The following GLIS3 variants were observed in gnomAD, a reference collection of about 807,000 sequenced individuals.
The protein encoded by GLIS3 is zinc finger protein GLIS3.
GLIS3 carries 53 observed loss-of-function variants against 78.6 expected under a neutral mutation model. The ratio of observed to expected loss-of-function variants is 0.67; its 90% CI spans 0.54 to 0.85. The LOEUF is 0.85. GLIS3 is among the 40% of genes least tolerant of loss of function. The pLI is 0.00. For missense variants in GLIS3, 1,703 were observed against 1,231.1 expected, an observed-to-expected ratio of 1.38 and a Z score of -5.74; for synonymous variants, 684 against 509.9, an observed-to-expected ratio of 1.34 and a Z score of -4.60.
At chr9:4,416,280 G>T in the GLIS3 span, among the ~76,000 whole-genome samples, 1 of 71,554 alleles carries the variant, frequency 1.4e-5, no homozygotes. Flanking sequence ...AAAAAAAAAA[G>T]CATGCAAATT....
chr9:4,458,467 T>C, the GLIS3 span, among the ~76,000 whole-genome samples: 1 of 151,888 alleles, frequency 6.6e-6, no homozygotes, highest in African/African-American at 2.4e-5. Flanking sequence ...ATGGTGATGG[T>C]GGTGGAAGTA....
intron 7 of GLIS3, among the ~76,000 whole-genome samples, chr9:3,880,625 A>AAG (rs1365590764): frequency 2.0e-5 from 3 of 152,208 alleles, no homozygotes; most frequent in Admixed American, 6.5e-5. Context: ...AGGATTAAGA[A>AAG]AGAGAAGCCA....
At chr9:3,875,775 T>C (rs890825759) in intron 8 of GLIS3, among the ~76,000 whole-genome samples, 1 of 152,164 alleles carries the variant, frequency 6.6e-6, no homozygotes, top group Non-Finnish European at 1.5e-5. Flanking sequence ...AGGCAAGGGA[T>C]GGGGCACACG....
rs1171555150 is a variant in GLIS3, at chr9:3,898,805, G to A, written c.2014C>T (p.Leu672=). ...TGCACGGTGAGGCAATCTGTGAGCA[G>A]GTCTGGATGGAGCTCTGTGCTGGAC... is the stretch of plus-strand genomic sequence containing the variant. ...LRSSTELHPD[L]LTDCLTVQSL... Residue 672 remains leucine (L), a synonymous_variant, in exon 7 of 11, where the codon CTG becomes TTG. Transcript: ENST00000381971. 6.2e-7 allele frequency: 1 copy of A among 1,614,156 alleles called. No individual in the cohort carries two copies. Among genetic ancestry groups the A allele is most frequent in the Non-Finnish European group, 8.5e-7 (1 of 1,180,040 alleles).
intron 4 of GLIS3, among the ~76,000 whole-genome samples, chr9:4,112,236 C>G (rs1352630383): frequency 6.6e-6 from 1 of 152,132 alleles, no homozygotes; most frequent in Non-Finnish European, 1.5e-5. Context: ...AGTTGAAAGC[C>G]TTCTGCCACT....
chr9:4,267,944 C>CGTGTGTGTGTGTGTGT (rs757545130), intron 2 of GLIS3, among the ~76,000 whole-genome samples: 2 of 149,904 alleles, frequency 1.3e-5, no homozygotes, highest in East Asian at 2.0e-4. Context: ...TATAAAAATA[C>CGTGTGTGTGTGTGTGT]CTGTGTGTGT....
At chr9:4,342,385 T>C (rs1003392571) in intron 2 of GLIS3, among the ~76,000 whole-genome samples, 2 of 152,198 alleles carry the variant, frequency 1.3e-5, no homozygotes, top group Non-Finnish European at 2.9e-5. Context: ...TTGTTGATTT[T>C]GTCAAAGGTT....
the GLIS3 span, among the ~76,000 whole-genome samples, chr9:4,410,256 CA>C: frequency 6.6e-6 from 1 of 151,932 alleles, no homozygotes; most frequent in East Asian, 1.9e-4. Flanking sequence ...GGATTACAGG[CA>C]TGAGCCACCA....
chr9:4,422,462 T>C, the GLIS3 span, among the ~76,000 whole-genome samples: 48 of 152,370 alleles, frequency 3.2e-4, no homozygotes, highest in African/African-American at 1.1e-3. Context: ...TCCCCAGGAT[T>C]TGGGGTTAGT....
rs938544903 is a variant in GLIS3, at chr9:3,824,421, G to A, written c.*3851C>T. 3 of 152,464 alleles carry A rather than the reference G, an allele frequency of 2.0e-5. No individual in the cohort carries two copies. The highest frequency in any genetic ancestry group is 2.9e-5 in the Non-Finnish European group (2 of 68,028). The allele number at this position is 152,464 out of a possible 1,614,324, so 9.4% of individuals were successfully genotyped here. On this transcript the variant is annotated 3_prime_UTR_variant, in exon 11 of 11. Transcript: ENST00000381971. ...AACAAACAAACAAACAATGATGGTTGCCATTGTGTTTTAAACCGACAGGCT... is the reference window on the plus strand; with the variant it reads ...AACAAACAAACAAACAATGATGGTTACCATTGTGTTTTAAACCGACAGGCT...
intron 2 of GLIS3, among the ~76,000 whole-genome samples, chr9:4,328,219 G>C (rs1817631169): frequency 6.6e-6 from 1 of 152,148 alleles, no homozygotes; most frequent in African/African-American, 2.4e-5. Flanking sequence ...CAGCTTCAGA[G>C]GGCAGGAACA....
At chr9:4,128,622 C>G (rs1832744436) in intron 2 of GLIS3, among the ~76,000 whole-genome samples, 1 of 152,136 alleles carries the variant, frequency 6.6e-6, no homozygotes. Context: ...CAAAAAAACT[C>G]CAAGTCAATC....
intron 4 of GLIS3, among the ~76,000 whole-genome samples, chr9:3,952,386 C>A (rs543677607): frequency 6.6e-6 from 1 of 152,272 alleles, no homozygotes; most frequent in South Asian, 2.1e-4. Flanking sequence ...GGATCCCTGG[C>A]ACTCTCTGAT....
At chr9:4,277,950 T>C (rs1173791568) in intron 2 of GLIS3, among the ~76,000 whole-genome samples, 1 of 152,232 alleles carries the variant, frequency 6.6e-6, no homozygotes, top group African/African-American at 2.4e-5. Flanking sequence ...AACTGCACCC[T>C]GTCCTGCCTG....
intron 4 of GLIS3, among the ~76,000 whole-genome samples, chr9:4,015,592 A>T (rs1473004730): frequency 1.3e-5 from 2 of 152,152 alleles, no homozygotes; most frequent in East Asian, 3.8e-4. Flanking sequence ...CAACAACAAT[A>T]ATAGGGATTT....
the GLIS3 span, among the ~76,000 whole-genome samples, chr9:4,447,112 A>G: frequency 6.6e-6 from 1 of 152,054 alleles, no homozygotes; most frequent in Non-Finnish European, 1.5e-5. Context: ...CAGTGGCACA[A>G]TCGCAGCTCA....
At chr9:4,264,873 A>G (rs1180543717) in intron 2 of GLIS3, among the ~76,000 whole-genome samples, 1 of 152,124 alleles carries the variant, frequency 6.6e-6, no homozygotes, top group Non-Finnish European at 1.5e-5. Flanking sequence ...ACTCAGTGAA[A>G]TAACAATCTT....
At chr9:4,327,628 G>A (rs1287428675) in intron 2 of GLIS3, among the ~76,000 whole-genome samples, 2 of 152,180 alleles carry the variant, frequency 1.3e-5, no homozygotes, top group Non-Finnish European at 2.9e-5. Flanking sequence ...TGGCCGGAAA[G>A]GACCTTCAGA....
chr9:4,080,235 G>A (rs1024536121), intron 4 of GLIS3, among the ~76,000 whole-genome samples: 17 of 152,058 alleles, frequency 1.1e-4, no homozygotes, highest in Non-Finnish European at 2.2e-4. Flanking sequence ...TCTTGCATTC[G>A]TAAGCATTTC....
Sources: gnomAD v4.1 joint callset for allele counts (sites outside exome capture counted in the v4.1 genomes callset) on GRCh38, gnomAD v4.1.1 for gene constraint, MANE v1.5 for transcripts, NCBI Gene and HGNC (gene_info 2026-07-23, HGNC 2026-07-21) for gene names.